ATP2C2: variants seen among roughly 807,000 people sequenced by gnomAD.
ATP2C2 encodes ATPase secretory pathway Ca2+ transporting 2.
Under a neutral mutation model 110.8 loss-of-function variants are expected in ATP2C2, and 171 were observed. The ratio of observed to expected loss-of-function variants is 1.54; its 90% CI spans 1.36 to 1.75. ATP2C2 has a LOEUF of 1.75. Ranked by LOEUF, ATP2C2 falls within the 40% of genes most tolerant of loss-of-function variation. ATP2C2 has a pLI of 0.00. For synonymous variants in ATP2C2, 804 were observed against 508.4 expected, an observed-to-expected ratio of 1.58 and a Z score of -7.82; for missense variants, 1,963 against 1,235.0, an observed-to-expected ratio of 1.59 and a Z score of -8.84.
intron 2 of ATP2C2, among the ~76,000 whole-genome samples, chr16:84,401,488 A>T (rs1447857314): frequency 6.6e-6 from 1 of 151,554 alleles, no homozygotes; most frequent in Non-Finnish European, 1.5e-5. Context: ...TCTTTAATTC[A>T]TTTTTATTTG....
chr16:84,425,388 C>G (rs757493234), intron 10 of ATP2C2, among the ~76,000 whole-genome samples: 4 of 152,188 alleles, frequency 2.6e-5, no homozygotes, highest in Non-Finnish European at 5.9e-5. Context: ...GGAGCAGTTG[C>G]ATTTGCCACA....
intron 11 of ATP2C2, among the ~76,000 whole-genome samples, chr16:84,428,792 C>A (rs1908007763): frequency 6.6e-6 from 1 of 152,012 alleles, no homozygotes; most frequent in Non-Finnish European, 1.5e-5. Context: ...AAAAGAAGAA[C>A]AAGAAAAAAA....
chr16:84,422,815 A>G (rs1907471729), intron 9 of ATP2C2, 118 bp downstream of exon 9: 1 of 1,112,214 alleles, frequency 9.0e-7, no homozygotes, highest in Non-Finnish European at 1.3e-6. Context: ...TCATATGAGT[A>G]TACTTTTTAA....
intron 1 of ATP2C2, among the ~76,000 whole-genome samples, chr16:84,381,815 T>C (rs1201755907): frequency 6.6e-6 from 1 of 152,184 alleles, no homozygotes; most frequent in Non-Finnish European, 1.5e-5. Flanking sequence ...CATCTATGGA[T>C]ATACCACATT....
At chr16:84,393,017 T>G (rs575059446) in intron 1 of ATP2C2, among the ~76,000 whole-genome samples, 9 of 152,222 alleles carry the variant, frequency 5.9e-5, no homozygotes, top group African/African-American at 1.9e-4. Flanking sequence ...TGTTTCCAGT[T>G]TTTGAGTGCC....
chr16:84,400,026 G>C (rs565488611), intron 2 of ATP2C2, among the ~76,000 whole-genome samples: 1 of 152,184 alleles, frequency 6.6e-6, no homozygotes, highest in East Asian at 1.9e-4. Flanking sequence ...TCTGTGTCTG[G>C]AGGTCACTAT....
At chr16:84,447,727 A>G (rs181838713) in intron 16 of ATP2C2, among the ~76,000 whole-genome samples, 2 of 137,912 alleles carry the variant, frequency 1.5e-5, no homozygotes, top group East Asian at 3.9e-4. Flanking sequence ...ATTGTATAAG[A>G]ATATATTAGT....
At chr16:84,450,377 C>A (rs916007359) in intron 17 of ATP2C2, among the ~76,000 whole-genome samples, 2 of 152,142 alleles carry the variant, frequency 1.3e-5, no homozygotes, top group Admixed American at 1.3e-4. Flanking sequence ...CCTGCTAGAT[C>A]CCCTGGAGTG....
chr16:84,425,768 A>G lies in ATP2C2; in HGVS notation c.953A>G (p.Lys318Arg), dbSNP rs551531561. The change falls in exon 11 of 27, where the codon AAA becomes AGA. Residue 318 changes from lysine to arginine, a missense_variant. By Grantham distance (26) the Lys-to-Arg change is conservative. Coordinates refer to ENST00000262429, the MANE Select transcript of ATP2C2 (RefSeq NM_014861.4). ...LIMLIGWSQG[K>R]QLLSMFTIGV... ...ATGCTCATTGGCTGGTCGCAAGGGA[A>G]ACAACTCCTGAGTATGTTCACGATC... 3.4e-4 allele frequency: 555 copies of G among 1,614,118 alleles called. 13 individuals carry two copies. In the South Asian group the frequency reaches 5.9e-3, roughly 17 times the overall value.
chr16:84,405,983 G>A (rs982961921), intron 3 of ATP2C2, among the ~76,000 whole-genome samples: 5 of 152,204 alleles, frequency 3.3e-5, no homozygotes, highest in Non-Finnish European at 7.3e-5. Flanking sequence ...TCTAGTATAA[G>A]TGTGTCCCAA....
intron 25 of ATP2C2, 87 bp downstream of exon 25, chr16:84,461,899 C>G: frequency 6.2e-7 from 1 of 1,607,808 alleles, no homozygotes; most frequent in Non-Finnish European, 8.5e-7. Context: ...CATTGAGCGG[C>G]TCTGGCTCAG....
rs577618604 is a variant in ATP2C2 at position 84,439,754 on chromosome 16, A to G, written c.1209+230A>G. Reference sequence around the variant, plus strand: ...CCTTTTTTAGTTACTTATTAATTATAAGCACATTGCAAAATTTAAAAGCTA... The same window carrying G: ...CCTTTTTTAGTTACTTATTAATTATGAGCACATTGCAAAATTTAAAAGCTA... On this transcript the variant is annotated intron_variant, in intron 13 of 26. Coordinates refer to ENST00000262429, the MANE Select transcript of ATP2C2 (RefSeq NM_014861.4). 2.0e-5 allele frequency among the ~76,000 whole-genome samples: 3 copies of G among 152,344 alleles called. No individual in the cohort carries two copies. In the East Asian group the frequency reaches 5.8e-4, roughly 29 times the overall value.
intron 11 of ATP2C2, among the ~76,000 whole-genome samples, chr16:84,427,047 G>A (rs1023069005): frequency 4.6e-5 from 7 of 152,172 alleles, no homozygotes; most frequent in Non-Finnish European, 8.8e-5. Flanking sequence ...TTGGAAGGGA[G>A]CCTAGGGGCT....
chr16:84,414,107 A>G (rs1320774071), intron 6 of ATP2C2, among the ~76,000 whole-genome samples: 1 of 152,188 alleles, frequency 6.6e-6, no homozygotes, highest in African/African-American at 2.4e-5. Context: ...TCAGGCTGAC[A>G]TTTAGAGAGG....
chr16:84,393,274 C>G (rs990866559), intron 1 of ATP2C2, among the ~76,000 whole-genome samples: 3 of 152,188 alleles, frequency 2.0e-5, no homozygotes, highest in Non-Finnish European at 4.4e-5. Context: ...CCCCCGGGCC[C>G]CTATGCATTC....
At chr16:84,440,740 C>G in intron 13 of ATP2C2, 117 bp from the exon 14 acceptor site, 1 of 735,222 alleles carries the variant, frequency 1.4e-6, no homozygotes, top group Non-Finnish European at 2.4e-6. Context: ...ACTGAAAGCC[C>G]TGTCCACGTT....
In ATP2C2 at chr16:84,451,916, C is replaced by T; in HGVS notation, c.1661-5C>T. The stretch of plus-strand genomic sequence containing the variant: ...GACCCCTCCTTACTCCCCCTCTCTC[C>T]TCAGTGCTGGCCCTGGCTTCTGGGC... On this transcript the variant is annotated splice_polypyrimidine_tract_variant and splice_region_variant and intron_variant, in intron 17 of 26. Coordinates refer to ENST00000262429, the MANE Select transcript of ATP2C2 (RefSeq NM_014861.4). 1 of 1,612,860 alleles carries T rather than the reference C, an allele frequency of 6.2e-7. No homozygotes were observed. The highest frequency in any genetic ancestry group is 8.5e-7 in the Non-Finnish European group (1 of 1,179,696).
chr16:84,459,466 A>G, intron 23 of ATP2C2, 80 bp downstream of exon 23: 1 of 1,603,328 alleles, frequency 6.2e-7, no homozygotes, highest in Non-Finnish European at 8.5e-7. Flanking sequence ...GCTGTGCCCC[A>G]AGGCTATAGG....
rs115749491 is a variant in ATP2C2 at position 84,460,968 on chromosome 16, A to C, written c.2481+167A>C. 3.5e-3 allele frequency: 3,554 copies of C among 1,017,372 alleles called. 101 individuals are homozygous for C. The African/African-American group carries it at 0.052, about 15-fold the overall frequency. The allele number at this position is 1,017,372 out of a possible 1,614,324, so 63.0% of individuals were successfully genotyped here. On this transcript the variant is annotated intron_variant, in intron 24 of 26. Coordinates refer to ENST00000262429, the MANE Select transcript of ATP2C2 (RefSeq NM_014861.4). ...GGCGTGGGGTGCATGAGGCAAAGGGACTGGGTGACCCTTGAAAGAAGGGAG... is the reference window on the plus strand; with the variant it reads ...GGCGTGGGGTGCATGAGGCAAAGGGCCTGGGTGACCCTTGAAAGAAGGGAG...
Sources: allele counts gnomAD v4.1 joint callset (sites outside exome capture counted in the v4.1 genomes callset), GRCh38; gene constraint gnomAD v4.1.1; transcripts MANE v1.5; gene names NCBI Gene and HGNC (gene_info 2026-07-23, HGNC 2026-07-21).